The following DGKB variants were observed in gnomAD, a reference collection of about 807,000 sequenced individuals.
DGKB encodes 90 kDa diacylglycerol kinase.
Under a neutral mutation model 114.3 loss-of-function variants are expected in DGKB, and 67 were observed. The observed-to-expected ratio is 0.59, with a 90% CI of 0.48 to 0.72. DGKB has a LOEUF of 0.72. DGKB is among the 30% of genes least tolerant of loss of function. The probability of loss-of-function intolerance (pLI) is 0.00; values close to 1 mark genes in which losing one functional copy is unlikely to be tolerated. For missense variants in DGKB, 907 were observed against 975.2 expected, an observed-to-expected ratio of 0.93 and a Z score of 0.93; for synonymous variants, 398 against 323.1, an observed-to-expected ratio of 1.23 and a Z score of -2.49.
At chr7:14,300,480 C>G (rs1803339977) in intron 23 of DGKB, among the ~76,000 whole-genome samples, 1 of 152,100 alleles carries the variant, frequency 6.6e-6, no homozygotes. Flanking sequence ...GTATCACTTA[C>G]TCTACATTTA....
At chr7:14,348,490 C>G (rs569476663) in intron 21 of DGKB, among the ~76,000 whole-genome samples, 72 of 151,028 alleles carry the variant, frequency 4.8e-4, no homozygotes, top group South Asian at 1.0e-3. Flanking sequence ...AATAGATATA[C>G]AGATGGAAAA....
chr7:14,735,983 ATATT>A lies in DGKB; in HGVS notation c.322+54_322+57del, dbSNP rs1367766359. 11 of 1,019,022 alleles carry A rather than the reference ATATT, an allele frequency of 1.1e-5. No individual in the cohort carries two copies. In the African/African-American group the frequency reaches 1.8e-4, roughly 17 times the overall value. 63.1% of individuals were successfully genotyped at this position (1,019,022 alleles called of 1,614,324 possible). On this transcript the variant is annotated intron_variant, in intron 5 of 25. Coordinates refer to ENST00000402815, the MANE Select transcript of DGKB (RefSeq NM_001350709.2). The stretch of plus-strand genomic sequence containing the variant: ...ATCATTCATCTTTTATGATAACTAG[ATATT>A]TATTTAGCCTTTGAAATTTGTACTA...
chr7:14,804,070 GGTGTGTGTGTGT>G (rs34964846), intron 2 of DGKB, among the ~76,000 whole-genome samples: 7 of 146,608 alleles, frequency 4.8e-5, no homozygotes, highest in East Asian at 2.0e-4. Flanking sequence ...TCACTTTTTG[GGTGTGTGTGTGT>G]GTGTGTGTGT....
intron 1 of DGKB, among the ~76,000 whole-genome samples, chr7:14,844,791 T>G (rs1329567773): frequency 1.3e-5 from 2 of 152,152 alleles, no homozygotes; most frequent in African/African-American, 4.8e-5. Flanking sequence ...TCTTTCCACC[T>G]GCCTACCTGC....
Position 14,869,885 on chromosome 7 carries a change from C to T in DGKB, c.-187-28435G>A, listed in dbSNP as rs571663833. Among the ~76,000 whole-genome samples, 6 of 152,252 alleles carry T rather than the reference C, an allele frequency of 3.9e-5. No individual in the cohort carries two copies. The South Asian group carries it at 1.2e-3, about 32-fold the overall frequency. On this transcript the variant is annotated intron_variant, in intron 1 of 25. Transcript: ENST00000402815. Reference sequence around the variant, plus strand: ...ATGACTCGCTAATGCTCATGCTATACCAGATCTAGTTTATGATCTGGAAGA... The same window carrying T: ...ATGACTCGCTAATGCTCATGCTATATCAGATCTAGTTTATGATCTGGAAGA...
At chr7:14,918,432 T>C (rs1021336368) in intron 1 of DGKB, among the ~76,000 whole-genome samples, 4 of 152,134 alleles carry the variant, frequency 2.6e-5, no homozygotes, top group African/African-American at 9.7e-5. Context: ...AGGTAATACA[T>C]AAAATTAAAT....
chr7:14,628,256 T>A (rs1056620917), intron 14 of DGKB, among the ~76,000 whole-genome samples: 1 of 151,554 alleles, frequency 6.6e-6, no homozygotes, highest in African/African-American at 2.4e-5. Flanking sequence ...GAAAGAGTCA[T>A]CTTTATAAAA....
chr7:14,518,885 C>T (rs1311380702), intron 20 of DGKB, among the ~76,000 whole-genome samples: 1 of 151,990 alleles, frequency 6.6e-6, no homozygotes, highest in Non-Finnish European at 1.5e-5. Context: ...CTTTCCTTGA[C>T]ATTTGGATTC....
rs866051062 is a variant in DGKB at position 14,621,420 on chromosome 7, C to T, written c.1242G>A (p.Met414Ile). Reference sequence around the variant, plus strand: ...CTACAGTAACAGAGTTGGCTCTTTGCATTTTATTCTTGTCAATCACTTTGT... The same window carrying T: ...CTACAGTAACAGAGTTGGCTCTTTGTATTTTATTCTTGTCAATCACTTTGT... ...QPNKVIDKNK[M>I]QRANSVTVDG... The change falls in exon 15 of 26, where the codon ATG becomes ATA. Residue 414 changes from methionine to isoleucine, a missense_variant. Around this residue, in one of 3 missense-constraint regions of DGKB, gnomAD observed 814 missense variants for 856.6 expected, o/e 0.95. Coordinates refer to ENST00000402815, the MANE Select transcript of DGKB (RefSeq NM_001350709.2). The T allele has an allele frequency of 2.5e-6, 4 of 1,611,232 alleles. No individual in the cohort carries two copies. Among genetic ancestry groups the T allele is most frequent in the East Asian group, 2.2e-5 (1 of 44,724 alleles).
chr7:14,857,478 C>A (rs1850350669), intron 1 of DGKB, among the ~76,000 whole-genome samples: 2 of 152,032 alleles, frequency 1.3e-5, no homozygotes, highest in South Asian at 2.1e-4. Flanking sequence ...GATTCCTGAT[C>A]TACAGAAACT....
intron 6 of DGKB, among the ~76,000 whole-genome samples, chr7:14,706,294 A>T (rs1826216667): frequency 6.9e-6 from 1 of 145,034 alleles, no homozygotes; most frequent in East Asian, 2.0e-4. Flanking sequence ...CACCCAATAC[A>T]GGAGCACCCA....
intron 1 of DGKB, among the ~76,000 whole-genome samples, chr7:14,941,951 C>A (rs917560891): frequency 1.3e-5 from 2 of 151,888 alleles, no homozygotes; most frequent in African/African-American, 4.8e-5. Flanking sequence ...ATATTTGGAG[C>A]CTCATTCATT....
chr7:14,822,710 T>C (rs1249494469), intron 2 of DGKB, among the ~76,000 whole-genome samples: 2 of 152,102 alleles, frequency 1.3e-5, no homozygotes, highest in African/African-American at 4.8e-5. Flanking sequence ...GTCTACAGAA[T>C]AGAGGAAATC....
intron 1 of DGKB, among the ~76,000 whole-genome samples, chr7:14,894,714 C>CA (rs1429854409): frequency 6.6e-6 from 1 of 151,116 alleles, no homozygotes; most frequent in African/African-American, 2.4e-5. Context: ...GTACCTTGGA[C>CA]AAAAAAAGCA....
At chr7:14,863,141 ATT>A (rs1851231895) in intron 1 of DGKB, among the ~76,000 whole-genome samples, 1 of 151,588 alleles carries the variant, frequency 6.6e-6, no homozygotes, top group Non-Finnish European at 1.5e-5. Flanking sequence ...AACCATTTAA[ATT>A]GTATCCCCTT....
At chr7:14,944,737 T>C (rs1785773740) in intron 1 of DGKB, among the ~76,000 whole-genome samples, 1 of 151,678 alleles carries the variant, frequency 6.6e-6, no homozygotes, top group Admixed American at 6.6e-5. Flanking sequence ...CCATGCTAAC[T>C]AGCCTACAAT....
intron 4 of DGKB, among the ~76,000 whole-genome samples, chr7:14,739,671 A>G (rs1586128945): frequency 6.6e-6 from 1 of 152,090 alleles, no homozygotes; most frequent in Non-Finnish European, 1.5e-5. Context: ...TGCGAACCCA[A>G]GAATCTCTTT....
intron 21 of DGKB, among the ~76,000 whole-genome samples, chr7:14,404,753 T>G (rs574390439): frequency 6.6e-6 from 1 of 151,934 alleles, no homozygotes; most frequent in South Asian, 2.1e-4. Context: ...CTTGTCTTAC[T>G]GGGCCTTCAC....
intron 2 of DGKB, among the ~76,000 whole-genome samples, chr7:14,773,317 T>A (rs1178116035): frequency 6.6e-6 from 1 of 152,146 alleles, no homozygotes; most frequent in Non-Finnish European, 1.5e-5. Flanking sequence ...AGGTTGAGAA[T>A]GCATTCTTAT....
Sources: gnomAD v4.1 joint callset for allele counts (sites outside exome capture counted in the v4.1 genomes callset) on GRCh38, gnomAD v4.1.1 for gene constraint, gnomAD v4.1.1 regional missense constraint, MANE v1.5 for transcripts, NCBI Gene and HGNC (gene_info 2026-07-23, HGNC 2026-07-21) for gene names.